ARHGEF40: variants seen among roughly 807,000 people sequenced by gnomAD.
ARHGEF40 encodes Rho guanine nucleotide exchange factor 40.
Under a neutral mutation model 165.9 loss-of-function variants are expected in ARHGEF40, and 98 were observed. The observed-to-expected ratio is 0.59, with a 90% CI of 0.50 to 0.70. The LOEUF (loss-of-function observed/expected upper bound fraction) is 0.70, where lower values mean the gene tolerates loss of function less well. Among genes scored for constraint, ARHGEF40 ranks in the 30% least tolerant of loss-of-function variants. The pLI is 0.00. For missense variants in ARHGEF40, 1,815 were observed against 1,968.0 expected (o/e 0.92, Z 1.47); for synonymous variants, 792 against 814.3 (o/e 0.97, Z 0.47).
intron 15 of ARHGEF40, 131 bp downstream of exon 15, chr14:21,082,609 G>A (rs1308105801): frequency 2.2e-5 from 26 of 1,182,232 alleles, no homozygotes; most frequent in Admixed American, 1.1e-4. Context: ...GCCCAGCCCT[G>A]TTCTGTGGGC....
At chr14:21,082,576 C>A in intron 15 of ARHGEF40, 98 bp downstream of exon 15, 1 of 1,343,352 alleles carries the variant, frequency 7.4e-7, no homozygotes, top group Non-Finnish European at 9.9e-7. Context: ...CCTCTCCTCC[C>A]ATGTGTGGTC....
At position 21,089,545 on chromosome 14, in the gene ARHGEF40, A is replaced by G. The variant is rs1278457037; in HGVS notation, c.*537A>G. 3 of 152,670 alleles carry G rather than the reference A, an allele frequency of 2.0e-5. No homozygotes were observed. The highest frequency in any genetic ancestry group is 2.4e-5 in the African/African-American group (1 of 41,446). 9.5% of individuals were successfully genotyped at this position (152,670 alleles called of 1,614,324 possible). On this transcript the variant is annotated 3_prime_UTR_variant, in exon 24 of 24. Transcript: ENST00000298694. ...TGTTATATTAAATGTATTTACTCAC[A>G]CTTTGCCTCTAAGGAGCTAGAGTAG...
chr14:21,070,972 C>G lies in ARHGEF40; in HGVS notation c.3+573C>G. On this transcript the variant is annotated intron_variant, in intron 1 of 23. Coordinates refer to ENST00000298694, the MANE Select transcript of ARHGEF40 (RefSeq NM_018071.5). This position sits in a 1 kb window ranked among gnomAD's most constrained non-coding sequence, Gnocchi z 4.7. ...GGGAAATTCCCGCAGAGAAAAAGAGCTGCCTCAGGATAGTTGGGGGTGCTT... is the reference window on the plus strand; with the variant it reads ...GGGAAATTCCCGCAGAGAAAAAGAGGTGCCTCAGGATAGTTGGGGGTGCTT... 3 of 1,093,016 alleles carry G rather than the reference C, an allele frequency of 2.7e-6. No individual in the cohort carries two copies. In the South Asian group the frequency reaches 4.1e-5, roughly 15 times the overall value. The allele number at this position is 1,093,016 out of a possible 1,614,324, so 67.7% of individuals were successfully genotyped here.
At chr14:21,077,704 T>C (rs1003197570) in intron 8 of ARHGEF40, among the ~76,000 whole-genome samples, 10 of 152,336 alleles carry the variant, frequency 6.6e-5, no homozygotes, top group African/African-American at 2.4e-4. Flanking sequence ...CATGTAATTC[T>C]ATGAATATAA....
chr14:21,087,586 A>C (rs1477432637), intron 21 of ARHGEF40, 123 bp downstream of exon 21: 26 of 1,375,388 alleles, frequency 1.9e-5, no homozygotes, highest in East Asian at 2.4e-5. Flanking sequence ...AACTATGTAC[A>C]GCTTCCCCAC....
rs199597571 is a variant in ARHGEF40, at chr14:21,075,771, C to G, written c.1739+6C>G. The stretch of plus-strand genomic sequence containing the variant: ...TACCTCCACTCACTGCTCAGGTAAC[C>G]GAGGCCCAGTCCTGGCACCCTGGAC... On this transcript the variant is annotated splice_donor_region_variant and intron_variant, in intron 5 of 23. Coordinates refer to ENST00000298694, the MANE Select transcript of ARHGEF40 (RefSeq NM_018071.5). This position sits in a 1 kb window ranked among gnomAD's most constrained non-coding sequence, Gnocchi z 4.5. 1 of 1,611,444 alleles carries G rather than the reference C, an allele frequency of 6.2e-7. No individual in the cohort carries two copies. Among genetic ancestry groups the G allele is most frequent in the Non-Finnish European group, 8.5e-7 (1 of 1,178,776 alleles).
chr14:21,086,085 G>A, intron 19 of ARHGEF40: 1 of 532,522 alleles, frequency 1.9e-6, no homozygotes, highest in Non-Finnish European at 3.2e-6. Context: ...GGAAGCAAGA[G>A]CAAGTAGGGG....
In ARHGEF40 at chr14:21,078,221, G is replaced by T; in HGVS notation, c.2079G>T (p.Ser693=). 2 of 1,614,078 alleles carry T rather than the reference G, an allele frequency of 1.2e-6. No individual in the cohort carries two copies. The highest frequency in any genetic ancestry group is 2.2e-5 in the South Asian group (2 of 91,066). The change falls in exon 9 of 24, where the codon TCG becomes TCT. Residue 693 remains serine (S), a synonymous_variant. Transcript: ENST00000298694. ...GCCTGTGCCAAGGTGTGCTGGGCTCGGTACGGCAGGCCATTGAGGAGCTGG... is the reference window on the plus strand; with the variant it reads ...GCCTGTGCCAAGGTGTGCTGGGCTCTGTACGGCAGGCCATTGAGGAGCTGG... ...LCRLCQGVLG[S]VRQAIEELEG...
intron 18 of ARHGEF40, 144 bp from the exon 19 acceptor site, chr14:21,085,545 G>GTAGA (rs1888264755): frequency 1.1e-6 from 1 of 933,502 alleles, no homozygotes; most frequent in African/African-American, 1.7e-5. Flanking sequence ...AAGACTAAAC[G>GTAGA]TAGAGCACTT....
chr14:21,068,154 C>T (rs374294811), upstream of ARHGEF40, among the ~76,000 whole-genome samples: 237 of 49,294 alleles, frequency 4.8e-3, 87 homozygotes, highest in South Asian at 0.13. Context: ...CGCCCGCTAC[C>T]ACGCCCGGCT....
rs776626798 is a variant in ARHGEF40 at position 21,087,052 on chromosome 14, T to A, written c.4190T>A (p.Leu1397Gln). The change falls in exon 20 of 24, where the codon CTG (leucine) becomes CAG (glutamine). Residue 1397 changes from leucine to glutamine, a missense_variant. Leu to Gln is a moderately radical substitution (Grantham distance 113). Coordinates refer to ENST00000298694, the MANE Select transcript of ARHGEF40 (RefSeq NM_018071.5). Reference sequence around the variant, plus strand: ...ATGGGCATTGGGAATAAACCCTTCCTGGACATCAAAGCCCTTGGGGAGCGG... The same window carrying A: ...ATGGGCATTGGGAATAAACCCTTCCAGGACATCAAAGCCCTTGGGGAGCGG... ...VSMGIGNKPF[L>Q]DIKALGERTL... is the part of the protein sequence containing the mutation. 6.2e-7 allele frequency: 1 copy of A among 1,607,994 alleles called. No homozygotes were observed. The highest frequency in any genetic ancestry group is 8.5e-7 in the Non-Finnish European group (1 of 1,177,042).
At chr14:21,087,627 G>A (rs1272574463) in intron 21 of ARHGEF40, 164 bp downstream of exon 21, 2 of 1,011,012 alleles carry the variant, frequency 2.0e-6, no homozygotes, top group Admixed American at 2.8e-5. Flanking sequence ...TGGTTGCTAG[G>A]GTGATGCTTA....
chr14:21,074,818 A>G lies in ARHGEF40; in HGVS notation c.1088A>G (p.Gln363Arg), dbSNP rs1248896440. 5 of 1,605,908 alleles carry G rather than the reference A, an allele frequency of 3.1e-6. No homozygotes were observed. The highest frequency in any genetic ancestry group is 4.2e-6 in the Non-Finnish European group (5 of 1,176,572). ...CTTAGAGGAGGAGGAGGAGGAGGCC[A>G]GGGGGCTGAAGGACCACCTGGTACC... ...GELRGGGGGG[Q>R]GAEGPPGTPR... Residue 363 changes from glutamine to arginine, a missense_variant, in exon 3 of 24, where the codon CAG becomes CGG. Physicochemically the swap from Gln to Arg is conservative, Grantham distance 43 (BLOSUM62 1). Coordinates refer to ENST00000298694, the MANE Select transcript of ARHGEF40 (RefSeq NM_018071.5). The surrounding 1 kb of genome is among the most constrained non-coding windows in gnomAD (Gnocchi z 4.8).
In ARHGEF40 at chr14:21,081,738, G is replaced by A. The variant is rs1282899553; in HGVS notation, c.2870G>A (p.Gly957Glu). The change falls in exon 14 of 24, where the codon GGA becomes GAA. Residue 957 changes from glycine (G) to glutamate (E), a missense_variant. By Grantham distance (98) the Gly-to-Glu change is moderately conservative. Coordinates refer to ENST00000298694, the MANE Select transcript of ARHGEF40 (RefSeq NM_018071.5). Reference protein sequence around the residue: ...ELERRIQQHVGEEASPRGYRR... With the variant: ...ELERRIQQHVEEEASPRGYRR... The stretch of plus-strand genomic sequence containing the variant: ...GAGAGGAGGATCCAGCAACACGTGG[G>A]AGAGGAGGCGAGCCCACGGGGCTAC... 5.1e-6 allele frequency: 8 copies of A among 1,576,192 alleles called. No individual in the cohort carries two copies. The Admixed American group carries it at 1.5e-4, about 29-fold the overall frequency.
upstream of ARHGEF40, among the ~76,000 whole-genome samples, chr14:21,069,738 T>C (rs963509467): frequency 6.6e-6 from 1 of 151,792 alleles, no homozygotes; most frequent in Non-Finnish European, 1.5e-5. Context: ...GGTTGGGGAA[T>C]CCCCTGATTT....
chr14:21,082,744 G>C (rs1320365892), intron 15 of ARHGEF40, 87 bp from the exon 16 acceptor site: 1 of 1,395,136 alleles, frequency 7.2e-7, no homozygotes, highest in Non-Finnish European at 1.0e-6. Flanking sequence ...CCTCATTTGG[G>C]CTACAGAGAG....
chr14:21,078,634 C>A, intron 10 of ARHGEF40, 146 bp downstream of exon 10: 1 of 936,132 alleles, frequency 1.1e-6, no homozygotes, highest in Non-Finnish European at 1.6e-6. Context: ...TGTCTCATAA[C>A]CCTCACAACA....
chr14:21,087,254 C>T, intron 20 of ARHGEF40, 66 bp from the exon 21 acceptor site: 1 of 1,583,836 alleles, frequency 6.3e-7, no homozygotes, highest in East Asian at 2.2e-5. Flanking sequence ...GACTGAGGGT[C>T]ATTCCAGGGA....
At chr14:21,085,666 C>T (rs201452739) in intron 18 of ARHGEF40, 23 bp from the exon 19 acceptor site, 408 of 1,608,990 alleles carry the variant, frequency 2.5e-4, no homozygotes, top group Non-Finnish European at 3.3e-4. Flanking sequence ...TGTCTTCACC[C>T]GCTGCCCTCT....
Sources: allele counts gnomAD v4.1 joint callset (sites outside exome capture counted in the v4.1 genomes callset), GRCh38; gene constraint gnomAD v4.1.1; non-coding constraint Gnocchi (gnomAD v3.1); transcripts MANE v1.5; gene names NCBI Gene and HGNC (gene_info 2026-07-23, HGNC 2026-07-21).